ERBB4: variants seen among roughly 807,000 people sequenced by gnomAD.
ERBB4 encodes the protein erb-b2 receptor tyrosine kinase 4, also known as receptor tyrosine-protein kinase erbB-4.
A neutral mutation model predicts 158.0 loss-of-function variants in ERBB4; 42 were observed. That is an observed-to-expected ratio of 0.27 (90% CI 0.21 to 0.34). The LOEUF (loss-of-function observed/expected upper bound fraction) is 0.34, where lower values mean the gene tolerates loss of function less well. Ranked by LOEUF, ERBB4 falls within the 10% of genes least tolerant of loss-of-function variation. The pLI, the probability that ERBB4 is intolerant of heterozygous loss-of-function variation, is 1.00. For synonymous variants in ERBB4, 583 were observed against 558.7 expected (o/e 1.04, Z -0.61); for missense variants, 1,333 against 1,624.1 (o/e 0.82, Z 3.08).
At chr2:211,686,446 C>T (rs570171236) in intron 12 of ERBB4, among the ~76,000 whole-genome samples, 2 of 152,156 alleles carry the variant, frequency 1.3e-5, no homozygotes, top group African/African-American at 4.8e-5. Flanking sequence ...CTGGAATAAA[C>T]TCATTTGGTT....
intron 1 of ERBB4, among the ~76,000 whole-genome samples, chr2:212,157,758 A>G (rs1376139151): frequency 6.6e-6 from 1 of 152,124 alleles, no homozygotes; most frequent in African/African-American, 2.4e-5. Context: ...CCTGGCACAA[A>G]ATAGGGCTCA....
chr2:211,874,154 A>G (rs1232955583), intron 3 of ERBB4, among the ~76,000 whole-genome samples: 1 of 152,042 alleles, frequency 6.6e-6, no homozygotes, highest in Non-Finnish European at 1.5e-5. Flanking sequence ...AAGCAAACAA[A>G]CAAAAACAAA....
intron 14 of ERBB4, among the ~76,000 whole-genome samples, chr2:211,668,477 T>C (rs1345654258): frequency 2.0e-5 from 3 of 152,144 alleles, no homozygotes; most frequent in Non-Finnish European, 4.4e-5. Flanking sequence ...AGTGCAATAA[T>C]AGAAAATGAA....
chr2:211,438,553 G>A lies in ERBB4; in HGVS notation c.2488-7453C>T, dbSNP rs185929834. Among the ~76,000 whole-genome samples the A allele has an allele frequency of 4.6e-5, 7 of 152,114 alleles. No homozygotes were observed. In the East Asian group the frequency reaches 7.8e-4, roughly 17 times the overall value. Reference sequence around the variant, plus strand: ...CAATGGCTTAAAATTCAGAAAACACGTAAACATTCACTATTATAAGATACC... The same window carrying A: ...CAATGGCTTAAAATTCAGAAAACACATAAACATTCACTATTATAAGATACC... On this transcript the variant is annotated intron_variant, in intron 20 of 27. Transcript: ENST00000342788.
intron 2 of ERBB4, among the ~76,000 whole-genome samples, chr2:211,953,580 C>T (rs1262938319): frequency 6.6e-6 from 1 of 151,416 alleles, no homozygotes; most frequent in Non-Finnish European, 1.5e-5. Context: ...ATTTTGTCAA[C>T]CAAAGAGTGA....
intron 2 of ERBB4, among the ~76,000 whole-genome samples, chr2:212,111,436 C>T (rs1311643296): frequency 6.6e-6 from 1 of 152,132 alleles, no homozygotes; most frequent in Non-Finnish European, 1.5e-5. Context: ...TAAAGGCTCC[C>T]CACAATTTGG....
chr2:211,421,325 G>A (rs2063510080), intron 24 of ERBB4, among the ~76,000 whole-genome samples: 1 of 151,786 alleles, frequency 6.6e-6, no homozygotes, highest in African/African-American at 2.4e-5. Flanking sequence ...GAAAATAAAG[G>A]CTACCTTGCT....
At chr2:211,798,897 A>C (rs113649093) in intron 3 of ERBB4, among the ~76,000 whole-genome samples, 2 of 152,316 alleles carry the variant, frequency 1.3e-5, no homozygotes, top group African/African-American at 2.4e-5. Context: ...TCTTTCCCAC[A>C]CTGAAGTATC....
chr2:211,608,722 G>C (rs2069079197), intron 19 of ERBB4, among the ~76,000 whole-genome samples: 1 of 152,132 alleles, frequency 6.6e-6, no homozygotes, highest in South Asian at 2.1e-4. Context: ...TTGGTGTGCA[G>C]TTGAGTTAAA....
intron 3 of ERBB4, among the ~76,000 whole-genome samples, chr2:211,915,399 A>G (rs990862135): frequency 3.3e-5 from 5 of 151,538 alleles, no homozygotes; most frequent in Non-Finnish European, 7.4e-5. Flanking sequence ...TTGTTTTTAA[A>G]TAGCACATAG....
At chr2:212,459,537 A>G (rs1390887057) in intron 1 of ERBB4, among the ~76,000 whole-genome samples, 1 of 152,184 alleles carries the variant, frequency 6.6e-6, no homozygotes, top group Admixed American at 6.6e-5. Context: ...AGCAGTCTAC[A>G]TGTTCAATAC....
chr2:212,065,202 A>G (rs892170497), intron 2 of ERBB4, among the ~76,000 whole-genome samples: 15 of 152,110 alleles, frequency 9.9e-5, no homozygotes, highest in Admixed American at 5.2e-4. Flanking sequence ...AGACGTGTTT[A>G]GACAACCCCT....
intron 3 of ERBB4, among the ~76,000 whole-genome samples, chr2:211,843,907 C>A (rs2077532906): frequency 6.6e-6 from 1 of 152,020 alleles, no homozygotes; most frequent in African/African-American, 2.4e-5. Flanking sequence ...CAGATGATGC[C>A]TTCATACACA....
intron 1 of ERBB4, among the ~76,000 whole-genome samples, chr2:212,158,312 T>C (rs2081101692): frequency 6.6e-6 from 1 of 151,936 alleles, no homozygotes; most frequent in South Asian, 2.1e-4. Context: ...TCTCACTAGC[T>C]ACCAACTTGT....
intron 3 of ERBB4, among the ~76,000 whole-genome samples, chr2:211,910,091 C>A (rs1007520821): frequency 9.9e-5 from 15 of 150,890 alleles, no homozygotes; most frequent in African/African-American, 3.6e-4. Context: ...AGCTAATTTT[C>A]GTATTTTTAG....
At chr2:211,404,725 C>T (rs773004606) in intron 25 of ERBB4, among the ~76,000 whole-genome samples, 1 of 151,680 alleles carries the variant, frequency 6.6e-6, no homozygotes, top group Admixed American at 6.6e-5. Flanking sequence ...ACAACAAAAT[C>T]GAGAAAGGAA....
chr2:211,899,454 GTTGAA>G (rs1363756064), intron 3 of ERBB4, among the ~76,000 whole-genome samples: 3 of 152,032 alleles, frequency 2.0e-5, no homozygotes, highest in Non-Finnish European at 4.4e-5. Flanking sequence ...TCTAATAAAA[GTTGAA>G]TTGAAGAGCA....
chr2:212,186,601 A>C lies in ERBB4; in HGVS notation c.83-61698T>G, dbSNP rs77077907. On this transcript the variant is annotated intron_variant, in intron 1 of 27. Coordinates refer to ENST00000342788, the MANE Select transcript of ERBB4 (RefSeq NM_005235.3). ...CCACCCTGGAGCAAAAGACTGTCAA[A>C]CTATGTTCCTGTTCCTAAACGTCTT... Among the ~76,000 whole-genome samples the C allele has an allele frequency of 5.2e-3, 798 of 152,250 alleles. 8 individuals carry two copies. Among genetic ancestry groups the C allele is most frequent in the African/African-American group, 0.017 (702 of 41,552 alleles).
chr2:211,441,098 C>T (rs1254120551), intron 20 of ERBB4, among the ~76,000 whole-genome samples: 5 of 152,160 alleles, frequency 3.3e-5, no homozygotes, highest in African/African-American at 1.2e-4. Context: ...TGTACCATGG[C>T]TTCTGTTTTC....
Sources: allele counts gnomAD v4.1 joint callset (sites outside exome capture counted in the v4.1 genomes callset), GRCh38; gene constraint gnomAD v4.1.1; transcripts MANE v1.5; gene names NCBI Gene and HGNC (gene_info 2026-07-23, HGNC 2026-07-21).